Variants in PPP1R3G observed in about 807,000 individuals in gnomAD.
The protein encoded by PPP1R3G is protein phosphatase 1 regulatory subunit 3G.
PPP1R3G carries 3 observed loss-of-function variants against 2.0 expected under a neutral mutation model. The ratio of observed to expected loss-of-function variants is 1.47; its 90% CI spans 0.67 to 3.81. The LOEUF is 3.81. PPP1R3G is among the 30% of genes most tolerant of loss of function. The pLI is 0.02. For missense variants in PPP1R3G, 595 were observed against 517.0 expected (o/e 1.15, Z -1.46); for synonymous variants, 267 against 250.9 (o/e 1.06, Z -0.61).
rs918769815 is a variant in PPP1R3G, at chr6:5,086,585, G to T, written c.*23G>T. On this transcript the variant is annotated 3_prime_UTR_variant, in exon 1 of 1. Coordinates refer to ENST00000405617, the MANE Select transcript of PPP1R3G (RefSeq NM_001145115.3). ...TGAGCCTGGAGAGTTTCGAAGAGCC[G>T]TGGGGCGGGGTTGATTAGCACGTGG... The T allele has an allele frequency of 6.8e-7, 1 of 1,466,642 alleles. No homozygotes were observed. Among genetic ancestry groups the T allele is most frequent in the Non-Finnish European group, 9.0e-7 (1 of 1,106,418 alleles). The allele number at this position is 1,466,642 out of a possible 1,614,324, so 90.9% of individuals were successfully genotyped here. A position where few individuals can be genotyped will look rare whatever the true frequency, so the allele number is the denominator to read the frequency against.
In PPP1R3G at chr6:5,085,896, GCTGGGGCTAAGCC is replaced by G; in HGVS notation, c.412_424del (p.Leu138TrpfsTer4). On this transcript the variant is annotated frameshift_variant, in exon 1 of 1. Transcript: ENST00000405617. LOFTEE classifies it low-confidence loss of function (END_TRUNC). ...AGAAGCGGGTGCAGTTCGCGGACACGCTGGGGCTAAGCCTGGCCAGCGTGAAGCACTTCAGCGA... is the reference window on the plus strand; with the variant it reads ...AGAAGCGGGTGCAGTTCGCGGACACGTGGCCAGCGTGAAGCACTTCAGCGA... 7 of 1,531,872 alleles carry G rather than the reference GCTGGGGCTAAGCC, an allele frequency of 4.6e-6. No individual in the cohort carries two copies. The highest frequency in any genetic ancestry group is 6.1e-6 in the Non-Finnish European group (7 of 1,145,018). 94.9% of individuals were successfully genotyped at this position (1,531,872 alleles called of 1,614,324 possible).
Position 5,086,436 on chromosome 6 carries a change from C to T in PPP1R3G, c.951C>T (p.Asp317=), listed in dbSNP as rs1432370973. ...GCCTGCAGCCTGAGGACGAAGAGGACGCCGACGAGCGCGGCGTCGCGGTCC... is the reference window on the plus strand; with the variant it reads ...GCCTGCAGCCTGAGGACGAAGAGGATGCCGACGAGCGCGGCGTCGCGGTCC... ...PPGLQPEDEE[D]ADERGVAVHF... Residue 317 remains aspartate (D), a synonymous_variant, in exon 1 of 1, where the codon GAC becomes GAT. Transcript: ENST00000405617. The T allele has an allele frequency of 9.8e-6, 15 of 1,536,532 alleles. No individual in the cohort carries two copies. Among genetic ancestry groups the T allele is most frequent in the African/African-American group, 2.7e-5 (2 of 73,174 alleles).
chr6:5,086,150 G>A lies in PPP1R3G; in HGVS notation c.665G>A (p.Arg222His). 1 of 1,516,044 alleles carries A rather than the reference G, an allele frequency of 6.6e-7. No homozygotes were observed. The highest frequency in any genetic ancestry group is 8.8e-7 in the Non-Finnish European group (1 of 1,137,910). The allele number at this position is 1,516,044 out of a possible 1,614,324, so 93.9% of individuals were successfully genotyped here. A position where few individuals can be genotyped will look rare whatever the true frequency, so the allele number is the denominator to read the frequency against. ...RLQRQRVCLE[R>H]VQCSTASGAE... is the part of the protein sequence containing the mutation. The stretch of plus-strand genomic sequence containing the variant: ...CAGCGGCAGCGCGTGTGCCTGGAGC[G>A]CGTGCAGTGCTCGACGGCCTCGGGC... Residue 222 changes from arginine (R) to histidine (H), a missense_variant, in exon 1 of 1, where the codon CGC becomes CAC. Transcript: ENST00000405617.
rs1478348813 is a variant in PPP1R3G, at chr6:5,086,192, C to T, written c.707C>T (p.Ser236Phe). The T allele has an allele frequency of 2.0e-6, 3 of 1,534,070 alleles. No homozygotes were observed. Among genetic ancestry groups the T allele is most frequent in the East Asian group, 2.4e-5 (1 of 40,840 alleles). ...GCCTCGGGCGCTGAGGTGAAGGGCT[C>T]CGGCCGGGTGCTCAGCTGCCCTGGG... is the stretch of plus-strand genomic sequence containing the variant. ...STASGAEVKG[S>F]GRVLSCPGPR... The change falls in exon 1 of 1, where the codon TCC becomes TTC. Residue 236 changes from serine to phenylalanine, a missense_variant. Coordinates refer to ENST00000405617, the MANE Select transcript of PPP1R3G (RefSeq NM_001145115.3).
Position 5,085,444 on chromosome 6 carries a change from G to A in PPP1R3G, c.-42G>A, listed in dbSNP as rs767245429. On this transcript the variant is annotated 5_prime_UTR_variant, in exon 1 of 1. Coordinates refer to ENST00000405617, the MANE Select transcript of PPP1R3G (RefSeq NM_001145115.3). ...CGAGGAGTTAGTTAAGTCTCCAGAG[G>A]GGCCCGGTTCGGCCCGAGCAAGTCC... 35 of 1,429,038 alleles carry A rather than the reference G, an allele frequency of 2.4e-5. 1 individual carries two copies. The South Asian group carries it at 3.4e-4, about 14-fold the overall frequency. 88.5% of individuals were successfully genotyped at this position (1,429,038 alleles called of 1,614,324 possible).
chr6:5,085,547 C>A lies in PPP1R3G; in HGVS notation c.62C>A (p.Ala21Asp). 6.5e-7 allele frequency: 1 copy of A among 1,540,404 alleles called. No individual in the cohort carries two copies. Among genetic ancestry groups the A allele is most frequent in the Non-Finnish European group, 8.7e-7 (1 of 1,145,902 alleles). ...CCGGGACCAGCGCCCTTCCGAGAGG[C>A]CCCGCCGGCCGAGGAGCTGCCCGCC... Reference protein sequence around the residue: ...EAPGPAPFREAPPAEELPAPV... With the variant: ...EAPGPAPFREDPPAEELPAPV... Residue 21 changes from alanine to aspartate, a missense_variant, in exon 1 of 1, where the codon GCC becomes GAC. Physicochemically the swap from Ala to Asp is moderately radical, Grantham distance 126 (BLOSUM62 -2). Transcript: ENST00000405617.
rs1762075955 is a variant in PPP1R3G, at chr6:5,087,595, T to C, written c.*1033T>C. 1 of 152,332 alleles carries C rather than the reference T, an allele frequency of 6.6e-6. No homozygotes were observed. Among genetic ancestry groups the C allele is most frequent in the Non-Finnish European group, 1.5e-5 (1 of 68,152 alleles). The allele number at this position is 152,332 out of a possible 1,614,324, so 9.4% of individuals were successfully genotyped here. A position where few individuals can be genotyped will look rare whatever the true frequency, so the allele number is the denominator to read the frequency against. On this transcript the variant is annotated 3_prime_UTR_variant, in exon 1 of 1. Coordinates refer to ENST00000405617, the MANE Select transcript of PPP1R3G (RefSeq NM_001145115.3). ...AGTCAGAGAAGCTGGGCCCTTTTAG[T>C]CGCTGGACTGCCAGCGCAGGGGATG... is the stretch of plus-strand genomic sequence containing the variant.
chr6:5,086,464 T>A lies in PPP1R3G; in HGVS notation c.979T>A (p.Phe327Ile). Reference sequence around the variant, plus strand: ...CGACGAGCGCGGCGTCGCGGTCCACTTCGCTGTCTGCTACCGCTGCGCGCA... The same window carrying A: ...CGACGAGCGCGGCGTCGCGGTCCACATCGCTGTCTGCTACCGCTGCGCGCA... ...DADERGVAVHFAVCYRCAQGE... is the reference protein window; with the variant it reads ...DADERGVAVHIAVCYRCAQGE... Residue 327 changes from phenylalanine (F) to isoleucine (I), a missense_variant, in exon 1 of 1, where the codon TTC becomes ATC. Transcript: ENST00000405617. The A allele has an allele frequency of 2.0e-6, 3 of 1,537,120 alleles. No homozygotes were observed. Among genetic ancestry groups the A allele is most frequent in the Non-Finnish European group, 2.6e-6 (3 of 1,146,688 alleles).
At position 5,085,593 on chromosome 6, in the gene PPP1R3G, G is replaced by T; in HGVS notation, c.108G>T (p.Gln36His). ...ELPAPVVPCV[Q>H]GGGDGGGASE... The stretch of plus-strand genomic sequence containing the variant: ...CCGCCCCGGTGGTCCCCTGTGTGCA[G>T]GGTGGCGGCGACGGCGGTGGCGCTT... Residue 36 changes from glutamine to histidine, a missense_variant, in exon 1 of 1, where the codon CAG (glutamine) becomes CAT (histidine). Transcript: ENST00000405617. 1 of 1,546,382 alleles carries T rather than the reference G, an allele frequency of 6.5e-7. No individual in the cohort carries two copies.
Position 5,086,020 on chromosome 6 carries a change from G to T in PPP1R3G, c.535G>T (p.Gly179Trp). 1 of 1,497,328 alleles carries T rather than the reference G, an allele frequency of 6.7e-7. No homozygotes were observed. The highest frequency in any genetic ancestry group is 1.2e-5 in the South Asian group (1 of 80,510). 92.8% of individuals were successfully genotyped at this position (1,497,328 alleles called of 1,614,324 possible). The change falls in exon 1 of 1, where the codon GGG becomes TGG. Residue 179 changes from glycine to tryptophan, a missense_variant. Physicochemically the swap from Gly to Trp is radical, Grantham distance 184 (BLOSUM62 -2). Transcript: ENST00000405617. The stretch of plus-strand genomic sequence containing the variant: ...TGCCGAGGACCTGGAGCAGCTCGGG[G>T]GGCTGCTGGCCGCGGCGGCAGTGGC... ...MRAEDLEQLG[G>W]LLAAAAVAAP... is the part of the protein sequence containing the mutation.
Position 5,085,700 on chromosome 6 carries a change from A to T in PPP1R3G, c.215A>T (p.Glu72Val), listed in dbSNP as rs1275232644. ...KEEAAPQEQE[E>V]LLECRRRCRA... ...GAGGCCGCCCCCCAGGAGCAGGAGG[A>T]GCTGCTGGAATGCCGCCGCCGCTGC... is the stretch of plus-strand genomic sequence containing the variant. The change falls in exon 1 of 1, where the codon GAG becomes GTG. Residue 72 changes from glutamate to valine, a missense_variant. Physicochemically the swap from Glu to Val is moderately radical, Grantham distance 121. Coordinates refer to ENST00000405617, the MANE Select transcript of PPP1R3G (RefSeq NM_001145115.3). The T allele has an allele frequency of 6.5e-7, 1 of 1,547,526 alleles. No individual in the cohort carries two copies. Among genetic ancestry groups the T allele is most frequent in the South Asian group, 1.2e-5 (1 of 83,908 alleles).
At position 5,086,388 on chromosome 6, in the gene PPP1R3G, C is replaced by G. The variant is rs574138537; in HGVS notation, c.903C>G (p.His301Gln). ...AKKEPGAECF[H>Q]FSLCLPPGLQ... ...AAGAGCCAGGCGCCGAGTGCTTCCA[C>G]TTCTCGCTGTGCCTGCCCCCGGGCC... The change falls in exon 1 of 1, where the codon CAC (histidine) becomes CAG (glutamine). Residue 301 changes from histidine (H) to glutamine (Q), a missense_variant. His to Gln is a conservative substitution (Grantham distance 24, BLOSUM62 0). Coordinates refer to ENST00000405617, the MANE Select transcript of PPP1R3G (RefSeq NM_001145115.3). 6.5e-7 allele frequency: 1 copy of G among 1,536,246 alleles called. No homozygotes were observed. The highest frequency in any genetic ancestry group is 1.2e-5 in the South Asian group (1 of 84,064).
rs1471433083 is a variant in PPP1R3G, at chr6:5,085,449, C to T, written c.-37C>T. On this transcript the variant is annotated 5_prime_UTR_variant, in exon 1 of 1. Transcript: ENST00000405617. ...AGTTAGTTAAGTCTCCAGAGGGGCC[C>T]GGTTCGGCCCGAGCAAGTCCAGGGG... The T allele has an allele frequency of 4.8e-6, 7 of 1,451,362 alleles. No individual in the cohort carries two copies. The highest frequency in any genetic ancestry group is 2.5e-5 in the East Asian group (1 of 40,134). The allele number at this position is 1,451,362 out of a possible 1,614,324, so 89.9% of individuals were successfully genotyped here.
In PPP1R3G at chr6:5,088,911, G is replaced by A. The variant is rs765379912; in HGVS notation, c.*2349G>A. On this transcript the variant is annotated 3_prime_UTR_variant, in exon 1 of 1. Transcript: ENST00000405617. ...TCAGTGCAACTGAAACATAGCACCC[G>A]TTTGAATTGGCTTCAAACTACAAAG... The A allele has an allele frequency of 6.6e-6, 1 of 152,172 alleles. No homozygotes were observed. Among genetic ancestry groups the A allele is most frequent in the Non-Finnish European group, 1.5e-5 (1 of 68,038 alleles). The allele number at this position is 152,172 out of a possible 1,614,324, so 9.4% of individuals were successfully genotyped here.
In PPP1R3G at chr6:5,086,169, C is replaced by T. The variant is rs1001592064; in HGVS notation, c.684C>T (p.Ala228=). The part of the protein sequence containing the change: ...VCLERVQCST[A]SGAEVKGSGR... ...TGGAGCGCGTGCAGTGCTCGACGGC[C>T]TCGGGCGCTGAGGTGAAGGGCTCCG... The change falls in exon 1 of 1, where the codon GCC becomes GCT. Residue 228 remains alanine (A), a synonymous_variant. Transcript: ENST00000405617. The T allele has an allele frequency of 2.4e-5, 36 of 1,529,914 alleles. No individual in the cohort carries two copies. In the African/African-American group the frequency reaches 4.8e-4, roughly 20 times the overall value. The allele number at this position is 1,529,914 out of a possible 1,614,324, so 94.8% of individuals were successfully genotyped here.
Position 5,087,696 on chromosome 6 carries a change from C to G in PPP1R3G, c.*1134C>G, listed in dbSNP as rs937752412. On this transcript the variant is annotated 3_prime_UTR_variant, in exon 1 of 1. Coordinates refer to ENST00000405617, the MANE Select transcript of PPP1R3G (RefSeq NM_001145115.3). ...GTGACTTGATGGAAGAGGAGGCATG[C>G]CCAGCGAGTCAGTGCTGCGCAGACG... The G allele has an allele frequency of 6.6e-6, 1 of 152,318 alleles. No homozygotes were observed. The highest frequency in any genetic ancestry group is 2.4e-5 in the African/African-American group (1 of 41,450). The allele number at this position is 152,318 out of a possible 1,614,324, so 9.4% of individuals were successfully genotyped here.
In PPP1R3G at chr6:5,085,962, C is replaced by T. The variant is rs1321451040; in HGVS notation, c.477C>T (p.Ala159=). Residue 159 remains alanine, a synonymous_variant, in exon 1 of 1, where the codon GCC becomes GCT. Transcript: ENST00000405617. ...SEAEEPQVPP[A]VLSRLRSFPM... is the part of the protein sequence containing the mutation. ...CGGAGGAGCCGCAGGTGCCGCCCGC[C>T]GTGCTCTCGCGCCTCCGAAGCTTCC... is the stretch of plus-strand genomic sequence containing the variant. 3 of 1,527,232 alleles carry T rather than the reference C, an allele frequency of 2.0e-6. No individual in the cohort carries two copies. The highest frequency in any genetic ancestry group is 1.4e-5 in the African/African-American group (1 of 71,158). The allele number at this position is 1,527,232 out of a possible 1,614,324, so 94.6% of individuals were successfully genotyped here.
Position 5,086,607 on chromosome 6 carries a change from G to T in PPP1R3G, c.*45G>T, listed in dbSNP as rs747529000. 3 of 1,405,416 alleles carry T rather than the reference G, an allele frequency of 2.1e-6. No homozygotes were observed. Among genetic ancestry groups the T allele is most frequent in the Non-Finnish European group, 2.8e-6 (3 of 1,061,436 alleles). The allele number at this position is 1,405,416 out of a possible 1,614,324, so 87.1% of individuals were successfully genotyped here. On this transcript the variant is annotated 3_prime_UTR_variant, in exon 1 of 1. Coordinates refer to ENST00000405617, the MANE Select transcript of PPP1R3G (RefSeq NM_001145115.3). The stretch of plus-strand genomic sequence containing the variant: ...GCCGTGGGGCGGGGTTGATTAGCAC[G>T]TGGAGCTCGGGCTGCCGCCTCAAGG...
rs1419149040 is a variant in PPP1R3G at position 5,086,382 on chromosome 6, C to T, written c.897C>T (p.Cys299=). The change falls in exon 1 of 1, where the codon TGC becomes TGT. Residue 299 remains cysteine, a synonymous_variant. Coordinates refer to ENST00000405617, the MANE Select transcript of PPP1R3G (RefSeq NM_001145115.3). The stretch of plus-strand genomic sequence containing the variant: ...CCAAGAAAGAGCCAGGCGCCGAGTG[C>T]TTCCACTTCTCGCTGTGCCTGCCCC... ...GDAKKEPGAE[C]FHFSLCLPPG... is the part of the protein sequence containing the mutation. 2.0e-6 allele frequency: 3 copies of T among 1,536,050 alleles called. No homozygotes were observed. Among genetic ancestry groups the T allele is most frequent in the African/African-American group, 2.7e-5 (2 of 73,044 alleles).
Sources: allele counts gnomAD v4.1 joint callset, GRCh38; gene constraint gnomAD v4.1.1; transcripts MANE v1.5; gene names NCBI Gene and HGNC (gene_info 2026-07-23, HGNC 2026-07-21).